BCO1: variants seen among roughly 807,000 people sequenced by gnomAD.
BCO1 encodes the protein beta,beta-carotene 15,15'-dioxygenase.
In BCO1, 54 loss-of-function variants were observed where a neutral mutation model predicts 56.3. The observed-to-expected ratio is 0.96, with a 90% CI of 0.77 to 1.20. The LOEUF (loss-of-function observed/expected upper bound fraction) is 1.20, where lower values mean the gene tolerates loss of function less well. BCO1 is among the 50% of genes most tolerant of loss of function. The pLI, the probability that BCO1 is intolerant of heterozygous loss-of-function variation, is 0.00. For missense variants in BCO1, 801 were observed against 690.9 expected, an observed-to-expected ratio of 1.16 and a Z score of -1.79; for synonymous variants, 318 against 266.1, an observed-to-expected ratio of 1.20 and a Z score of -1.90.
At chr16:81,246,012 G>A (rs1567698147) in intron 2 of BCO1, among the ~76,000 whole-genome samples, 1 of 151,902 alleles carries the variant, frequency 6.6e-6, no homozygotes, top group Non-Finnish European at 1.5e-5. Flanking sequence ...ACAGGCATGT[G>A]ACACCATGCC....
At chr16:81,268,821 C>A (rs978621169) in intron 6 of BCO1, among the ~76,000 whole-genome samples, 1 of 152,050 alleles carries the variant, frequency 6.6e-6, no homozygotes, top group African/African-American at 2.4e-5. Flanking sequence ...CTCTGTCACC[C>A]AGGCTGGAGT....
Position 81,245,613 on chromosome 16 carries a change from C to G in BCO1, c.193+10C>G. The G allele has an allele frequency of 1.2e-6, 2 of 1,614,112 alleles. No individual in the cohort carries two copies. Among genetic ancestry groups the G allele is most frequent in the East Asian group, 4.5e-5 (2 of 44,874 alleles). ...TTCACCATCAGAGACGGTGAGAACACCCACGAGTGTGCTGCCACTGCTGCA... is the reference window on the plus strand; with the variant it reads ...TTCACCATCAGAGACGGTGAGAACAGCCACGAGTGTGCTGCCACTGCTGCA... On this transcript the variant is annotated intron_variant, in intron 2 of 10. Coordinates refer to ENST00000258168, the MANE Select transcript of BCO1 (RefSeq NM_017429.3).
intron 1 of BCO1, among the ~76,000 whole-genome samples, chr16:81,240,511 G>A (rs749995272): frequency 6.6e-6 from 1 of 152,102 alleles, no homozygotes; most frequent in Non-Finnish European, 1.5e-5. Flanking sequence ...TTTGAGACCA[G>A]CCTGGCTAAC....
chr16:81,268,947 G>T (rs1415707369), intron 6 of BCO1, among the ~76,000 whole-genome samples: 3 of 151,480 alleles, frequency 2.0e-5, no homozygotes, highest in African/African-American at 7.3e-5. Flanking sequence ...TTGTTGTTTT[G>T]TAGAGATTGG....
chr16:81,272,078 T>G (rs1907255958), intron 7 of BCO1, among the ~76,000 whole-genome samples: 2 of 148,826 alleles, frequency 1.3e-5, no homozygotes, highest in African/African-American at 5.0e-5. Flanking sequence ...GATTAATAGG[T>G]ACATACTATC....
chr16:81,279,142 T>C (rs1907720654), intron 7 of BCO1, among the ~76,000 whole-genome samples: 1 of 151,992 alleles, frequency 6.6e-6, no homozygotes, highest in South Asian at 2.1e-4. Flanking sequence ...CCAAGGATGG[T>C]GACGCATGCC....
rs763765997 is a variant in BCO1, at chr16:81,264,801, G to C, written c.619+14G>C. 2 of 1,613,972 alleles carry C rather than the reference G, an allele frequency of 1.2e-6. No homozygotes were observed. The highest frequency in any genetic ancestry group is 1.7e-6 in the Non-Finnish European group (2 of 1,179,912). On this transcript the variant is annotated intron_variant, in intron 5 of 10. Coordinates refer to ENST00000258168, the MANE Select transcript of BCO1 (RefSeq NM_017429.3). ...CCACAGTACCAGGTAGGCCACTCTG[G>C]GGAATTGAATAAAACACAAACAACC...
At chr16:81,250,726 A>G (rs1189677120) in intron 2 of BCO1, among the ~76,000 whole-genome samples, 1 of 151,910 alleles carries the variant, frequency 6.6e-6, no homozygotes, top group Non-Finnish European at 1.5e-5. Context: ...GATTACAGGC[A>G]TGAGCCACCA....
intron 5 of BCO1, among the ~76,000 whole-genome samples, chr16:81,267,506 G>A (rs1003247167): frequency 1.4e-4 from 22 of 152,150 alleles, no homozygotes; most frequent in South Asian, 1.0e-3. Flanking sequence ...CCAGCTACTC[G>A]GGAGGCTGAG....
At chr16:81,252,480 T>G (rs1168106684) in intron 2 of BCO1, among the ~76,000 whole-genome samples, 1 of 152,196 alleles carries the variant, frequency 6.6e-6, no homozygotes, top group African/African-American at 2.4e-5. Context: ...GGTCTTGAAC[T>G]CCTGACCTCA....
chr16:81,265,207 C>T (rs565110708), intron 5 of BCO1, among the ~76,000 whole-genome samples: 10 of 149,862 alleles, frequency 6.7e-5, no homozygotes, highest in Non-Finnish European at 1.3e-4. Context: ...CTATCCATCA[C>T]CCATCCACCA....
In BCO1 at chr16:81,267,792, G is replaced by A. The variant is rs910707266; in HGVS notation, c.620-116G>A. On this transcript the variant is annotated intron_variant, in intron 5 of 10. Coordinates refer to ENST00000258168, the MANE Select transcript of BCO1 (RefSeq NM_017429.3). The stretch of plus-strand genomic sequence containing the variant: ...CCTTGTTGTCTGTCTACACGTTGCT[G>A]TTTAATGTAAAGGTTTTTTTCAGCA... The A allele has an allele frequency of 1.0e-5, 9 of 868,472 alleles. No individual in the cohort carries two copies. The African/African-American group carries it at 1.3e-4, about 13-fold the overall frequency. The allele number at this position is 868,472 out of a possible 1,614,324, so 53.8% of individuals were successfully genotyped here.
intron 7 of BCO1, among the ~76,000 whole-genome samples, chr16:81,275,473 A>G (rs1907500208): frequency 6.6e-6 from 1 of 152,208 alleles, no homozygotes; most frequent in Admixed American, 6.5e-5. Context: ...GTATCCTCTA[A>G]TGGCGCCTTG....
intron 7 of BCO1, among the ~76,000 whole-genome samples, chr16:81,280,295 A>G (rs1227876904): frequency 1.0e-5 from 1 of 98,674 alleles, no homozygotes; most frequent in Admixed American, 1.5e-4. Context: ...AAAAAAAAAA[A>G]AAAAAAAAAA....
rs751758097 is a variant in BCO1, at chr16:81,267,857, G to C, written c.620-51G>C. On this transcript the variant is annotated intron_variant, in intron 5 of 10. Transcript: ENST00000258168. ...TAGGTGATGGTGGTGTGGTCTTGGG[G>C]GGGCAGCCAGATCCTGCACAATTCC... The C allele has an allele frequency of 7.1e-6, 11 of 1,541,540 alleles. No individual in the cohort carries two copies. The Admixed American group carries it at 1.7e-4, about 24-fold the overall frequency.
At chr16:81,246,343 C>A (rs1905415621) in intron 2 of BCO1, among the ~76,000 whole-genome samples, 1 of 152,178 alleles carries the variant, frequency 6.6e-6, no homozygotes, top group African/African-American at 2.4e-5. Context: ...TATGTCAGGT[C>A]ACACATTCAA....
At chr16:81,256,571 C>T (rs1437274239) in intron 2 of BCO1, among the ~76,000 whole-genome samples, 1 of 152,158 alleles carries the variant, frequency 6.6e-6, no homozygotes, top group Non-Finnish European at 1.5e-5. Flanking sequence ...GGCCCCTCCC[C>T]GAGGTTTCAA....
At position 81,256,117 on chromosome 16, in the gene BCO1, AT is replaced by A. The variant is rs57609331; in HGVS notation, c.194-3546del. Among the ~76,000 whole-genome samples the A allele has an allele frequency of 2.9e-3, 424 of 144,666 alleles. 1 individual carries two copies. The highest frequency in any genetic ancestry group is 7.1e-3 in the African/African-American group (282 of 39,492). 94.9% of individuals were successfully genotyped at this position (144,666 alleles called of 152,430 possible). On this transcript the variant is annotated intron_variant, in intron 2 of 10. Transcript: ENST00000258168. ...AGGCATGAGGCACTGCGCATGGCCG[AT>A]TTTTTTTTTTTTCCAGCGAATGCAT...
chr16:81,267,946 G>C lies in BCO1; in HGVS notation c.658G>C (p.Glu220Gln), dbSNP rs368008947. The C allele has an allele frequency of 6.2e-7, 1 of 1,613,974 alleles. No individual in the cohort carries two copies. Among genetic ancestry groups the C allele is most frequent in the Admixed American group, 1.7e-5 (1 of 60,004 alleles). ...KQGKSPWKHTEVFCSIPSRSL... is the reference protein window; with the variant it reads ...KQGKSPWKHTQVFCSIPSRSL... Reference sequence around the variant, plus strand: ...GGGGAAGAGCCCCTGGAAGCACACAGAGGTGTTCTGCTCCATCCCATCCCG... The same window carrying C: ...GGGGAAGAGCCCCTGGAAGCACACACAGGTGTTCTGCTCCATCCCATCCCG... Residue 220 changes from glutamate (E) to glutamine (Q), a missense_variant, in exon 6 of 11, where the codon GAG (glutamate) becomes CAG (glutamine). Coordinates refer to ENST00000258168, the MANE Select transcript of BCO1 (RefSeq NM_017429.3).
Sources: allele counts gnomAD v4.1 joint callset (sites outside exome capture counted in the v4.1 genomes callset), GRCh38; gene constraint gnomAD v4.1.1; transcripts MANE v1.5; gene names NCBI Gene and HGNC (gene_info 2026-07-23, HGNC 2026-07-21).